Variants in SPEF2 observed in about 807,000 individuals in gnomAD.
SPEF2 encodes the protein sperm flagellar and cilia associated 2.
SPEF2 carries 187 observed loss-of-function variants against 224.6 expected under a neutral mutation model. The ratio of observed to expected loss-of-function variants is 0.83; its 90% CI spans 0.74 to 0.94. The LOEUF (loss-of-function observed/expected upper bound fraction) is 0.94. SPEF2 is among the 40% of genes least tolerant of loss of function. SPEF2 has a pLI of 0.00. For synonymous variants in SPEF2, 715 were observed against 707.3 expected (o/e 1.01, Z -0.17); for missense variants, 2,170 against 2,135.6 (o/e 1.02, Z -0.32).
chr5:35,620,618 G>A (rs1023802985), intron 1 of SPEF2, among the ~76,000 whole-genome samples: 1 of 152,052 alleles, frequency 6.6e-6, no homozygotes, highest in African/African-American at 2.4e-5. Context: ...AATAAAAATT[G>A]GAAACAATCT....
At chr5:35,664,719 GGAGGGAGAGA>G (rs1750213195) in intron 8 of SPEF2, among the ~76,000 whole-genome samples, 1 of 137,294 alleles carries the variant, frequency 7.3e-6, no homozygotes, top group Non-Finnish European at 1.5e-5. Flanking sequence ...AGAGAGAGAG[GGAGGGAGAGA>G]GAGGGAGAGG....
intron 10 of SPEF2, among the ~76,000 whole-genome samples, chr5:35,675,080 G>A (rs1340791099): frequency 6.6e-6 from 1 of 151,962 alleles, no homozygotes; most frequent in Non-Finnish European, 1.5e-5. Flanking sequence ...AAATATGATG[G>A]TTTCATCTTT....
rs1754372818 is a variant in SPEF2, at chr5:35,690,990, T to C, written c.1525-47T>C. The C allele has an allele frequency of 2.6e-6, 4 of 1,518,574 alleles. No homozygotes were observed. The East Asian group carries it at 9.1e-5, about 35-fold the overall frequency. 94.1% of individuals were successfully genotyped at this position (1,518,574 alleles called of 1,614,324 possible). A position where few individuals can be genotyped will look rare whatever the true frequency, so the allele number is the denominator to read the frequency against. On this transcript the variant is annotated intron_variant, in intron 10 of 36. Coordinates refer to ENST00000356031, the MANE Select transcript of SPEF2 (RefSeq NM_024867.4). Reference sequence around the variant, plus strand: ...CATTTAAATATTTCATATACCTAAATTCCACTTTTCAGAATATTTCTGTTT... The same window carrying C: ...CATTTAAATATTTCATATACCTAAACTCCACTTTTCAGAATATTTCTGTTT...
At chr5:35,681,140 G>C (rs573406045) in intron 10 of SPEF2, among the ~76,000 whole-genome samples, 1 of 152,086 alleles carries the variant, frequency 6.6e-6, no homozygotes, top group East Asian at 1.9e-4. Context: ...TAAGCCTAAA[G>C]TTTTCTTGCA....
intron 8 of SPEF2, among the ~76,000 whole-genome samples, chr5:35,666,512 G>GT (rs60403821): frequency 1 from 152,316 of 152,316 alleles, 76,158 homozygotes; most frequent in Non-Finnish European, 1. Flanking sequence ...TCTGTAGAGG[G>GT]TTGTAATTAA....
At chr5:35,638,873 G>A (rs1357400522) in intron 2 of SPEF2, among the ~76,000 whole-genome samples, 1 of 152,096 alleles carries the variant, frequency 6.6e-6, no homozygotes, top group Non-Finnish European at 1.5e-5. Flanking sequence ...GGGATATCAG[G>A]GAGTATATCT....
intron 34 of SPEF2, among the ~76,000 whole-genome samples, chr5:35,803,390 C>T (rs931574171): frequency 2.6e-5 from 4 of 152,164 alleles, no homozygotes; most frequent in African/African-American, 4.8e-5. Context: ...TGTTCCTACC[C>T]GGGAAGCAGC....
chr5:35,661,868 A>G lies in SPEF2; in HGVS notation c.1167+2661A>G, dbSNP rs556320127. On this transcript the variant is annotated intron_variant, in intron 8 of 36. Transcript: ENST00000356031. ...TGATTCCATGTCTTTGCTATTGTGA[A>G]TAGTGCTGCAATGAATGTAGGCATT... Among the ~76,000 whole-genome samples, 57 of 152,252 alleles carry G rather than the reference A, an allele frequency of 3.7e-4. 1 individual carries two copies. The highest frequency in any genetic ancestry group is 2.6e-3 in the Admixed American group (39 of 15,290).
At chr5:35,731,825 C>T (rs1434085690) in intron 21 of SPEF2, among the ~76,000 whole-genome samples, 1 of 152,210 alleles carries the variant, frequency 6.6e-6, no homozygotes, top group African/African-American at 2.4e-5. Context: ...CACCTCATTA[C>T]ATCTGTAAGT....
chr5:35,785,061 T>G (rs1158171474), intron 30 of SPEF2, among the ~76,000 whole-genome samples: 5 of 152,236 alleles, frequency 3.3e-5, no homozygotes, highest in Admixed American at 3.3e-4. Context: ...GAAAATTGTC[T>G]AAGTTAGTCT....
At chr5:35,707,481 C>A (rs1740017756) in intron 18 of SPEF2, among the ~76,000 whole-genome samples, 1 of 152,128 alleles carries the variant, frequency 6.6e-6, no homozygotes, top group South Asian at 2.1e-4. Flanking sequence ...TAGAATGAAG[C>A]CTCCTAGCTT....
At chr5:35,795,572 CCTGTGGTTT>C in intron 32 of SPEF2, 122 bp from the exon 33 acceptor site, 5 of 625,310 alleles carry the variant, frequency 8.0e-6, no homozygotes, top group Non-Finnish European at 1.4e-5. Flanking sequence ...CTCCTACACC[CCTGTGGTTT>C]CTGCATCCTA....
At chr5:35,705,445 T>C (rs576791587) in intron 17 of SPEF2, among the ~76,000 whole-genome samples, 1 of 152,172 alleles carries the variant, frequency 6.6e-6, no homozygotes, top group South Asian at 2.1e-4. Flanking sequence ...CATTTTCCTC[T>C]TTTACTCTCA....
At chr5:35,650,377 A>C (rs1388719217) in intron 6 of SPEF2, among the ~76,000 whole-genome samples, 1 of 152,122 alleles carries the variant, frequency 6.6e-6, no homozygotes, top group African/African-American at 2.4e-5. Flanking sequence ...TAAAAACAAC[A>C]TAATCCAAGT....
chr5:35,792,430 AC>A lies in SPEF2; in HGVS notation c.4540del (p.Thr1515ProfsTer8). On this transcript the variant is annotated frameshift_variant, in exon 31 of 37. Transcript: ENST00000356031. LOFTEE classifies it high-confidence loss of function. ...GTNNFPSNWMHLTQPELQELT... is the reference protein window; with the variant it reads ...GTNNFPSNWMXLTQPELQELT... ...AACAACTTTCCTAGTAATTGGATGCACCTTACCCAACCTGAAGTAAGCTTCT... is the reference window on the plus strand; with the variant it reads ...AACAACTTTCCTAGTAATTGGATGCACTTACCCAACCTGAAGTAAGCTTCT... 6.2e-7 allele frequency: 1 copy of A among 1,613,666 alleles called. No individual in the cohort carries two copies.
chr5:35,681,167 T>C (rs542022312), intron 10 of SPEF2, among the ~76,000 whole-genome samples: 13 of 152,308 alleles, frequency 8.5e-5, no homozygotes, highest in Admixed American at 5.2e-4. Context: ...ATAATAATAA[T>C]GTACCTGTTG....
At chr5:35,669,266 G>T (rs752035829) in intron 9 of SPEF2, among the ~76,000 whole-genome samples, 11 of 152,046 alleles carry the variant, frequency 7.2e-5, no homozygotes, top group Non-Finnish European at 1.2e-4. Context: ...TTTTTAAGTT[G>T]TAATTTCAGG....
intron 20 of SPEF2, 60 bp from the exon 21 acceptor site, chr5:35,727,615 T>C (rs2149655429): frequency 7.1e-7 from 1 of 1,411,910 alleles, no homozygotes; most frequent in Non-Finnish European, 9.8e-7. Flanking sequence ...TGTATTCATC[T>C]ACCAGAATTC....
intron 21 of SPEF2, among the ~76,000 whole-genome samples, chr5:35,728,233 A>G (rs927257151): frequency 6.6e-5 from 10 of 152,124 alleles, no homozygotes; most frequent in Non-Finnish European, 8.8e-5. Context: ...GTAGAAGAAT[A>G]TTTTTGAAGC....
Sources: gnomAD v4.1 joint callset for allele counts (sites outside exome capture counted in the v4.1 genomes callset) on GRCh38, gnomAD v4.1.1 for gene constraint, MANE v1.5 for transcripts, NCBI Gene and HGNC (gene_info 2026-07-23, HGNC 2026-07-21) for gene names.